IGFL2: variants seen among roughly 807,000 people sequenced by gnomAD.
IGFL2 encodes the protein insulin growth factor-like family member 2.
A neutral mutation model predicts 13.9 loss-of-function variants in IGFL2; 7 were observed. The ratio of observed to expected loss-of-function variants is 0.51; its 90% confidence interval spans 0.29 to 0.95. IGFL2 has a LOEUF of 0.95. IGFL2 is among the 40% of genes least tolerant of loss of function. IGFL2 has a pLI of 0.08. For missense variants in IGFL2, 138 were observed against 147.8 expected, an observed-to-expected ratio of 0.93 and a Z score of 0.34; for synonymous variants, 55 against 55.8, an observed-to-expected ratio of 0.99 and a Z score of 0.07.
chr19:46,126,198 A>T, the IGFL2 span, among the ~76,000 whole-genome samples: 36 of 152,202 alleles, frequency 2.4e-4, no homozygotes, highest in African/African-American at 7.7e-4. Flanking sequence ...GAAAAATAAA[A>T]ATATATGGGA....
chr19:46,168,895 A>G, the IGFL2 span, among the ~76,000 whole-genome samples: 1 of 147,184 alleles, frequency 6.8e-6, no homozygotes, highest in Non-Finnish European at 1.5e-5. Flanking sequence ...AGATCAGTAG[A>G]TTGAGTGTGT....
At chr19:46,205,780 G>T in the IGFL2 span, among the ~76,000 whole-genome samples, 1 of 152,166 alleles carries the variant, frequency 6.6e-6, no homozygotes, top group Non-Finnish European at 1.5e-5. Context: ...CAAGAAGAAG[G>T]ATTGAGGCTT....
At chr19:46,101,522 T>G in the IGFL2 span, among the ~76,000 whole-genome samples, 1 of 152,192 alleles carries the variant, frequency 6.6e-6, no homozygotes, top group Admixed American at 6.5e-5. Context: ...ACTGGTGTGC[T>G]CCACTGTGGG....
the IGFL2 span, among the ~76,000 whole-genome samples, chr19:46,134,605 A>G: frequency 6.6e-6 from 1 of 152,208 alleles, no homozygotes. Flanking sequence ...AAGGAGTATT[A>G]GATTAGATAA....
chr19:46,181,945 T>C, the IGFL2 span, among the ~76,000 whole-genome samples: 2 of 152,214 alleles, frequency 1.3e-5, no homozygotes, highest in Admixed American at 6.5e-5. Flanking sequence ...TCATTTTCTT[T>C]CATTAGGAAG....
At chr19:46,084,117 T>TA in the IGFL2 span, among the ~76,000 whole-genome samples, 2 of 152,220 alleles carry the variant, frequency 1.3e-5, no homozygotes, top group East Asian at 1.9e-4. Flanking sequence ...TTCCTCCTGT[T>TA]ACGGATTTCT....
At chr19:46,086,072 CT>C in the IGFL2 span, among the ~76,000 whole-genome samples, 1 of 151,954 alleles carries the variant, frequency 6.6e-6, no homozygotes, top group Non-Finnish European at 1.5e-5. Context: ...TTCTGGGATT[CT>C]TTCTTCTGCT....
chr19:46,087,379 G>A, the IGFL2 span, among the ~76,000 whole-genome samples: 1 of 152,222 alleles, frequency 6.6e-6, no homozygotes, highest in African/African-American at 2.4e-5. Flanking sequence ...GAAGTGTTCA[G>A]GTGCTATCAG....
At chr19:46,085,081 G>T in the IGFL2 span, among the ~76,000 whole-genome samples, 1 of 152,132 alleles carries the variant, frequency 6.6e-6, no homozygotes, top group Non-Finnish European at 1.5e-5. Flanking sequence ...CTCCAAAAGG[G>T]AGAAGTTGAC....
the IGFL2 span, among the ~76,000 whole-genome samples, chr19:46,121,505 A>G: frequency 6.6e-6 from 1 of 150,434 alleles, no homozygotes; most frequent in Non-Finnish European, 1.5e-5. Flanking sequence ...TCAACAGCCC[A>G]CTGAGAGGAG....
the IGFL2 span, among the ~76,000 whole-genome samples, chr19:46,101,711 G>A: frequency 3.9e-5 from 6 of 152,232 alleles, no homozygotes; most frequent in Non-Finnish European, 5.9e-5. Flanking sequence ...CAGTGATGAT[G>A]GCTGGCCCTC....
At chr19:46,132,557 A>G in the IGFL2 span, among the ~76,000 whole-genome samples, 1 of 152,094 alleles carries the variant, frequency 6.6e-6, no homozygotes, top group Non-Finnish European at 1.5e-5. Flanking sequence ...GGTGTGGCAA[A>G]GAGAAAGTGA....
chr19:46,130,147 T>A, the IGFL2 span, among the ~76,000 whole-genome samples: 2 of 152,162 alleles, frequency 1.3e-5, no homozygotes, highest in Non-Finnish European at 2.9e-5. Context: ...TCTTTGTTGG[T>A]TTAAAGTCAT....
the IGFL2 span, among the ~76,000 whole-genome samples, chr19:46,125,598 C>T: frequency 6.6e-6 from 1 of 152,244 alleles, no homozygotes; most frequent in African/African-American, 2.4e-5. Flanking sequence ...CTTGCTGGCA[C>T]AGCATAGGGA....
chr19:46,120,490 A>G, the IGFL2 span: 1 of 1,290,562 alleles, frequency 7.7e-7, no homozygotes, highest in East Asian at 2.8e-5. Flanking sequence ...AGATATCAAC[A>G]GAAGGACACA....
chr19:46,127,034 T>C, the IGFL2 span, among the ~76,000 whole-genome samples: 1 of 152,188 alleles, frequency 6.6e-6, no homozygotes, highest in East Asian at 1.9e-4. Context: ...CCCAGCACAG[T>C]AGCTGGAGTG....
the IGFL2 span, among the ~76,000 whole-genome samples, chr19:46,118,255 A>T: frequency 5.3e-5 from 8 of 152,238 alleles, no homozygotes; most frequent in African/African-American, 1.9e-4. Flanking sequence ...AGATGCAGGT[A>T]TGTTTGTCTC....
At chr19:46,089,591 G>A in the IGFL2 span, among the ~76,000 whole-genome samples, 1 of 150,612 alleles carries the variant, frequency 6.6e-6, no homozygotes, top group East Asian at 2.0e-4. Context: ...GTCTGAGCAA[G>A]TCTTATCTCT....
rs553914869 is a variant in IGFL2 at position 46,157,952 on chromosome 19, A to C, written c.20-2463A>C. 8.0e-4 allele frequency among the ~76,000 whole-genome samples: 122 copies of C among 152,346 alleles called. 2 individuals are homozygous for C. In the Middle Eastern group the frequency reaches 0.017, roughly 21 times the overall value. ...GTTTAGCAAGGTTTCAGAATGCAAG[A>C]TCAACATAGAAAAAATCAATCGTGT... On this transcript the variant is annotated intron_variant, in intron 1 of 3. Coordinates refer to ENST00000377693, the MANE Select transcript of IGFL2 (RefSeq NM_001135113.2).
Sources: gnomAD v4.1 joint callset for allele counts (sites outside exome capture counted in the v4.1 genomes callset) on GRCh38, gnomAD v4.1.1 for gene constraint, MANE v1.5 for transcripts, NCBI Gene and HGNC (gene_info 2026-07-23, HGNC 2026-07-21) for gene names.